MAGI2: variants seen among roughly 807,000 people sequenced by gnomAD.
MAGI2 encodes membrane associated guanylate kinase, WW and PDZ domain containing 2.
A neutral mutation model predicts 133.3 loss-of-function variants in MAGI2; 35 were observed. The ratio of observed to expected loss-of-function variants is 0.26; its 90% CI spans 0.20 to 0.35. The LOEUF (loss-of-function observed/expected upper bound fraction) is 0.35. Among genes scored for constraint, MAGI2 ranks in the 10% least tolerant of loss-of-function variants. The pLI is 1.00. For synonymous variants in MAGI2, 729 were observed against 710.6 expected, an observed-to-expected ratio of 1.03 and a Z score of -0.41; for missense variants, 1,636 against 1,863.4, an observed-to-expected ratio of 0.88 and a Z score of 2.25.
chr7:78,228,836 G>A (rs1006734709), intron 10 of MAGI2, among the ~76,000 whole-genome samples: 6 of 152,208 alleles, frequency 3.9e-5, no homozygotes, highest in Non-Finnish European at 5.9e-5. Context: ...AGCTGAGGCC[G>A]TTGTTACCTA....
intron 3 of MAGI2, among the ~76,000 whole-genome samples, chr7:78,613,193 A>C (rs1806663777): frequency 6.6e-6 from 1 of 152,222 alleles, no homozygotes; most frequent in Non-Finnish European, 1.5e-5. Context: ...GTTTCTGAAC[A>C]TATAACATGC....
intron 1 of MAGI2, among the ~76,000 whole-genome samples, chr7:79,108,611 G>A (rs1030776330): frequency 6.6e-6 from 1 of 152,122 alleles, no homozygotes; most frequent in African/African-American, 2.4e-5. Flanking sequence ...TTTGTCTCAT[G>A]TTAACTTTGT....
chr7:78,920,384 C>G (rs1344250901), intron 2 of MAGI2, among the ~76,000 whole-genome samples: 1 of 152,126 alleles, frequency 6.6e-6, no homozygotes, highest in Non-Finnish European at 1.5e-5. Context: ...CTCAATAAAT[C>G]TTTGTATTAT....
At chr7:79,125,425 A>G in intron 1 of MAGI2, 1 of 495,158 alleles carries the variant, frequency 2.0e-6, no homozygotes, top group Non-Finnish European at 4.0e-6. Context: ...TGATGGGGAT[A>G]GCTATAATGG....
chr7:78,813,658 C>A (rs1317738956), intron 2 of MAGI2, among the ~76,000 whole-genome samples: 3 of 151,786 alleles, frequency 2.0e-5, no homozygotes, highest in African/African-American at 7.3e-5. Flanking sequence ...TGGTGGCGGG[C>A]GCCTGTGGTC....
chr7:79,280,378 A>G (rs1475690558), intron 1 of MAGI2, among the ~76,000 whole-genome samples: 1 of 152,136 alleles, frequency 6.6e-6, no homozygotes, highest in Non-Finnish European at 1.5e-5. Context: ...TTGATATTGT[A>G]TGTAGGAGAT....
intron 1 of MAGI2, among the ~76,000 whole-genome samples, chr7:79,083,657 T>G (rs1816247921): frequency 6.6e-6 from 1 of 151,728 alleles, no homozygotes; most frequent in Non-Finnish European, 1.5e-5. Context: ...TTTGTTGGGT[T>G]ATTATACCAG....
chr7:78,209,095 G>A (rs1275268938), intron 10 of MAGI2, among the ~76,000 whole-genome samples: 6 of 129,748 alleles, frequency 4.6e-5, no homozygotes, highest in Non-Finnish European at 1.0e-4. Flanking sequence ...GGTGGCGGGC[G>A]CCTGTAGTCC....
intron 1 of MAGI2, among the ~76,000 whole-genome samples, chr7:79,447,168 G>A (rs754302416): frequency 5.3e-5 from 8 of 152,088 alleles, no homozygotes; most frequent in Admixed American, 1.3e-4. Flanking sequence ...TCAGTAAGAC[G>A]TAATAATAAA....
intron 1 of MAGI2, among the ~76,000 whole-genome samples, chr7:79,364,779 A>G (rs1050704836): frequency 3.3e-5 from 5 of 152,060 alleles, no homozygotes; most frequent in African/African-American, 9.6e-5. Context: ...TTAACCCAGA[A>G]TAGATCATAA....
At chr7:78,739,198 T>C (rs1254146282) in intron 2 of MAGI2, among the ~76,000 whole-genome samples, 2 of 152,178 alleles carry the variant, frequency 1.3e-5, no homozygotes, top group Non-Finnish European at 2.9e-5. Flanking sequence ...CGAGCTGCTA[T>C]GTTTCAGTTG....
chr7:78,898,286 A>G (rs1198929430), intron 2 of MAGI2, among the ~76,000 whole-genome samples: 4 of 152,230 alleles, frequency 2.6e-5, no homozygotes, highest in African/African-American at 7.2e-5. Flanking sequence ...GCAAATCCTC[A>G]AAGACCTGAA....
chr7:79,232,729 C>A (rs1170359319), intron 1 of MAGI2, among the ~76,000 whole-genome samples: 1 of 127,958 alleles, frequency 7.8e-6, no homozygotes, highest in Non-Finnish European at 1.6e-5. Context: ...TTTTGTTGAT[C>A]CTTTCAAAAA....
Position 79,363,372 on chromosome 7 carries a change from G to A in MAGI2, c.301+89648C>T, listed in dbSNP as rs183828174. On this transcript the variant is annotated intron_variant, in intron 1 of 21. Coordinates refer to ENST00000354212, the MANE Select transcript of MAGI2 (RefSeq NM_012301.4). ...TTAAAGAGAGAGACATACTCTGTTC[G>A]TGTATTGGAAGACTCAACATAGTAA... 3.3e-4 allele frequency among the ~76,000 whole-genome samples: 49 copies of A among 147,706 alleles called. No individual in the cohort carries two copies. In the East Asian group the frequency reaches 4.6e-3, roughly 14 times the overall value.
intron 2 of MAGI2, among the ~76,000 whole-genome samples, chr7:78,815,597 C>A (rs1240052956): frequency 3.3e-5 from 5 of 152,040 alleles, no homozygotes; most frequent in Non-Finnish European, 5.9e-5. Context: ...GTGCTTTCTT[C>A]ATTTCTCTGT....
At chr7:78,983,252 A>T (rs889692194) in intron 2 of MAGI2, among the ~76,000 whole-genome samples, 13 of 152,000 alleles carry the variant, frequency 8.6e-5, no homozygotes, top group African/African-American at 1.9e-4. Context: ...TCAGTACAAA[A>T]GGAAAAGTGT....
intron 2 of MAGI2, among the ~76,000 whole-genome samples, chr7:78,836,254 T>C (rs988135585): frequency 3.3e-5 from 5 of 152,200 alleles, no homozygotes; most frequent in African/African-American, 9.7e-5. Context: ...TCAATAAATA[T>C]ATCTAAAGTC....
chr7:78,138,676 C>T (rs1241073398), intron 16 of MAGI2, among the ~76,000 whole-genome samples: 1 of 142,824 alleles, frequency 7.0e-6, no homozygotes, highest in Admixed American at 7.0e-5. Context: ...CACACACACA[C>T]AATTTGTATG....
intron 9 of MAGI2, among the ~76,000 whole-genome samples, chr7:78,319,709 T>C (rs1174280385): frequency 5.9e-5 from 9 of 151,890 alleles, no homozygotes. Context: ...AACATCACAA[T>C]TAAAAGAACT....
Sources: gnomAD v4.1 joint callset for allele counts (sites outside exome capture counted in the v4.1 genomes callset) on GRCh38, gnomAD v4.1.1 for gene constraint, MANE v1.5 for transcripts, NCBI Gene and HGNC (gene_info 2026-07-23, HGNC 2026-07-21) for gene names.